The following MELK variants were observed in gnomAD, a reference collection of about 807,000 sequenced individuals.
The protein encoded by MELK is maternal embryonic leucine zipper kinase.
MELK carries 81 observed loss-of-function variants against 85.0 expected under a neutral mutation model. That is an observed-to-expected ratio of 0.95 (90% CI 0.80 to 1.15). The LOEUF (loss-of-function observed/expected upper bound fraction) is 1.15, where lower values mean the gene tolerates loss of function less well. Among genes scored for constraint, MELK ranks in the 50% most tolerant of loss-of-function variants. The pLI, the probability that MELK is intolerant of heterozygous loss-of-function variation, is 0.00. For synonymous variants in MELK, 252 were observed against 265.0 expected (o/e 0.95, Z 0.48); for missense variants, 754 against 777.5 (o/e 0.97, Z 0.36).
Position 36,613,705 on chromosome 9 carries a change from A to G in MELK, c.666+6032A>G, listed in dbSNP as rs530237958. ...AGTGTCAAGTGGATATCTAGGAGAA[A>G]AATATTTCCGGCAGAGGGAACAGCT... On this transcript the variant is annotated intron_variant, in intron 8 of 17. Coordinates refer to ENST00000298048, the MANE Select transcript of MELK (RefSeq NM_014791.4). 1.4e-4 allele frequency among the ~76,000 whole-genome samples: 21 copies of G among 152,232 alleles called. No homozygotes were observed. The South Asian group carries it at 4.1e-3, about 30-fold the overall frequency.
chr9:36,651,507 A>G (rs768845920), intron 11 of MELK, among the ~76,000 whole-genome samples: 9 of 152,206 alleles, frequency 5.9e-5, no homozygotes, highest in Non-Finnish European at 8.8e-5. Flanking sequence ...GTTTGGAAAT[A>G]CAGAATTAAT....
chr9:36,613,491 T>A (rs1280332970), intron 8 of MELK, among the ~76,000 whole-genome samples: 2 of 152,070 alleles, frequency 1.3e-5, no homozygotes, highest in Non-Finnish European at 2.9e-5. Flanking sequence ...ACAATAAGCA[T>A]AACAAGTAAA....
intron 4 of MELK, among the ~76,000 whole-genome samples, chr9:36,591,623 A>T (rs943968797): frequency 1.3e-5 from 2 of 151,282 alleles, no homozygotes; most frequent in African/African-American, 4.9e-5. Context: ...TGAACCTAGG[A>T]GAAAATTTAA....
At chr9:36,641,379 G>T (rs947764412) in intron 10 of MELK, among the ~76,000 whole-genome samples, 1 of 152,094 alleles carries the variant, frequency 6.6e-6, no homozygotes, top group Non-Finnish European at 1.5e-5. Flanking sequence ...GTTCAAGGCC[G>T]CATGGTTATT....
chr9:36,610,822 T>C (rs558134471), intron 8 of MELK, among the ~76,000 whole-genome samples: 1 of 152,218 alleles, frequency 6.6e-6, no homozygotes, highest in African/African-American at 2.4e-5. Context: ...GTTATACTTT[T>C]ACAAAATATT....
At chr9:36,619,415 A>T (rs1217331326) in intron 8 of MELK, among the ~76,000 whole-genome samples, 1 of 152,200 alleles carries the variant, frequency 6.6e-6, no homozygotes, top group African/African-American at 2.4e-5. Context: ...CCATGAGTAT[A>T]ACTGGGGCTA....
At chr9:36,600,189 G>A (rs1317157245) in intron 7 of MELK, among the ~76,000 whole-genome samples, 1 of 151,878 alleles carries the variant, frequency 6.6e-6, no homozygotes, top group African/African-American at 2.4e-5. Context: ...CACCTCCTGG[G>A]TTCAAGCGAT....
At chr9:36,613,992 T>A (rs1020457917) in intron 8 of MELK, among the ~76,000 whole-genome samples, 8 of 152,086 alleles carry the variant, frequency 5.3e-5, no homozygotes, top group Non-Finnish European at 1.2e-4. Flanking sequence ...TGGAGATGAC[T>A]GTAGGAAGTG....
chr9:36,587,813 TC>T (rs1367880928), intron 3 of MELK, among the ~76,000 whole-genome samples: 1 of 150,630 alleles, frequency 6.6e-6, no homozygotes, highest in Non-Finnish European at 1.5e-5. Flanking sequence ...TCTCGCTGTG[TC>T]CCCAGGCTGG....
intron 3 of MELK, among the ~76,000 whole-genome samples, chr9:36,587,220 A>T (rs1359112103): frequency 6.6e-6 from 1 of 152,064 alleles, no homozygotes; most frequent in African/African-American, 2.4e-5. Context: ...CAAGATAGTG[A>T]AAGTTACAGT....
At chr9:36,662,133 T>C (rs1239580125) in intron 13 of MELK, among the ~76,000 whole-genome samples, 2 of 151,916 alleles carry the variant, frequency 1.3e-5, no homozygotes, top group Admixed American at 6.6e-5. Context: ...CTTGATTTTT[T>C]ATGTTAATTT....
chr9:36,642,866 A>G, intron 10 of MELK, 131 bp from the exon 11 acceptor site: 1 of 649,814 alleles, frequency 1.5e-6, no homozygotes, highest in South Asian at 2.2e-5. Context: ...TTCTTCCCCA[A>G]GAAATTGACA....
chr9:36,619,103 C>T (rs998583799), intron 8 of MELK, among the ~76,000 whole-genome samples: 2 of 152,072 alleles, frequency 1.3e-5, no homozygotes, highest in East Asian at 1.9e-4. Context: ...GGATTACAGG[C>T]GTGTACCACT....
intron 1 of MELK, among the ~76,000 whole-genome samples, chr9:36,576,754 A>G (rs1176138312): frequency 6.6e-6 from 1 of 151,812 alleles, no homozygotes; most frequent in African/African-American, 2.4e-5. Flanking sequence ...CTGGTCTCGA[A>G]CTCCTGACCT....
At chr9:36,627,304 G>A (rs1209919929) in intron 8 of MELK, among the ~76,000 whole-genome samples, 1 of 152,052 alleles carries the variant, frequency 6.6e-6, no homozygotes, top group Non-Finnish European at 1.5e-5. Flanking sequence ...TTATGTTAAA[G>A]AAGTAATGAA....
chr9:36,574,717 C>T (rs980259068), intron 1 of MELK, among the ~76,000 whole-genome samples: 2 of 152,150 alleles, frequency 1.3e-5, no homozygotes, highest in Non-Finnish European at 2.9e-5. Context: ...TGTATTTATG[C>T]GGCAAGTAAT....
intron 9 of MELK, among the ~76,000 whole-genome samples, chr9:36,632,262 G>C (rs1286707212): frequency 6.6e-6 from 1 of 152,178 alleles, no homozygotes; most frequent in Admixed American, 6.5e-5. Flanking sequence ...ATGAGCCTCT[G>C]AGGGTGAAAG....
intron 8 of MELK, among the ~76,000 whole-genome samples, chr9:36,619,350 T>A (rs1184687283): frequency 6.6e-6 from 1 of 152,182 alleles, no homozygotes; most frequent in East Asian, 1.9e-4. Flanking sequence ...TTATTCTACC[T>A]GGAAATTACT....
chr9:36,586,827 T>C (rs1474541696), intron 3 of MELK, among the ~76,000 whole-genome samples: 1 of 152,188 alleles, frequency 6.6e-6, no homozygotes, highest in East Asian at 1.9e-4. Context: ...TTCTAGGATT[T>C]TAATAATATT....
Sources: gnomAD v4.1 joint callset for allele counts (sites outside exome capture counted in the v4.1 genomes callset) on GRCh38, gnomAD v4.1.1 for gene constraint, MANE v1.5 for transcripts, NCBI Gene and HGNC (gene_info 2026-07-23, HGNC 2026-07-21) for gene names.